The following WDFY4 variants were observed in gnomAD, a reference collection of about 807,000 sequenced individuals.
The protein encoded by WDFY4 is WD repeat- and FYVE domain-containing protein 4.
Under a neutral mutation model 351.9 loss-of-function variants are expected in WDFY4, and 169 were observed. That is an observed-to-expected ratio of 0.48 (90% confidence interval 0.42 to 0.55). The LOEUF (loss-of-function observed/expected upper bound fraction) is 0.55, where lower values mean the gene tolerates loss of function less well. WDFY4 is among the 20% of genes least tolerant of loss of function. The pLI is 0.00. For synonymous variants in WDFY4, 1,622 were observed against 1,574.6 expected, an observed-to-expected ratio of 1.03 and a Z score of -0.71; for missense variants, 3,803 against 3,935.6, an observed-to-expected ratio of 0.97 and a Z score of 0.90.
chr10:48,734,508 T>C (rs1414993333), intron 10 of WDFY4, among the ~76,000 whole-genome samples: 1 of 136,396 alleles, frequency 7.3e-6, no homozygotes, highest in Non-Finnish European at 1.5e-5. Flanking sequence ...TTCTGGGTTT[T>C]AAAAATAATA....
At chr10:48,921,938 T>C (rs530656123) in intron 47 of WDFY4, among the ~76,000 whole-genome samples, 3 of 152,316 alleles carry the variant, frequency 2.0e-5, no homozygotes, top group Non-Finnish European at 2.9e-5. Context: ...ATATAGTTAT[T>C]ATATCATCTG....
chr10:48,695,605 T>C (rs942517135), intron 1 of WDFY4, among the ~76,000 whole-genome samples: 2 of 152,220 alleles, frequency 1.3e-5, no homozygotes, highest in Non-Finnish European at 2.9e-5. Context: ...TGTTAGTAGA[T>C]GGTCACTTTT....
intron 24 of WDFY4, 59 bp downstream of exon 24, chr10:48,796,509 G>A: frequency 6.6e-7 from 1 of 1,516,280 alleles, no homozygotes; most frequent in Non-Finnish European, 8.8e-7. Context: ...AATATGCTAA[G>A]TCTGGGCTTT....
intron 47 of WDFY4, among the ~76,000 whole-genome samples, chr10:48,930,736 T>G (rs1162552734): frequency 6.6e-6 from 1 of 152,062 alleles, no homozygotes; most frequent in Non-Finnish European, 1.5e-5. Flanking sequence ...GATGAGTGAT[T>G]AAATAATTAA....
At chr10:48,974,357 C>T (rs964283755) in intron 57 of WDFY4, among the ~76,000 whole-genome samples, 2 of 151,628 alleles carry the variant, frequency 1.3e-5, no homozygotes, top group African/African-American at 2.4e-5. Flanking sequence ...AAAAAACATT[C>T]GCCAGGCATG....
chr10:48,856,495 C>T (rs2069138698), intron 39 of WDFY4, among the ~76,000 whole-genome samples: 1 of 152,060 alleles, frequency 6.6e-6, no homozygotes, highest in African/African-American at 2.4e-5. Context: ...TTTAATTATA[C>T]TTTAAGTTCT....
chr10:48,745,947 G>T, intron 12 of WDFY4: 1 of 205,318 alleles, frequency 4.9e-6, no homozygotes. Context: ...CAGGGTTGGT[G>T]CTCATCCGCC....
intron 11 of WDFY4, among the ~76,000 whole-genome samples, chr10:48,742,315 T>C (rs1447242994): frequency 6.6e-6 from 1 of 152,076 alleles, no homozygotes; most frequent in Non-Finnish European, 1.5e-5. Flanking sequence ...GTTTCTCTTC[T>C]CTTTCTGACA....
intron 1 of WDFY4, among the ~76,000 whole-genome samples, chr10:48,701,183 C>T (rs966591702): frequency 3.3e-5 from 5 of 152,204 alleles, no homozygotes; most frequent in Non-Finnish European, 2.9e-5. Flanking sequence ...ACACAGCATT[C>T]GTCCTTTTGT....
chr10:48,856,817 C>T (rs896324776), intron 39 of WDFY4, among the ~76,000 whole-genome samples: 1 of 152,176 alleles, frequency 6.6e-6, no homozygotes, highest in Non-Finnish European at 1.5e-5. Flanking sequence ...ATTGTTGACA[C>T]ATTTTATTAT....
chr10:48,799,955 G>A (rs2067007215), intron 24 of WDFY4, among the ~76,000 whole-genome samples: 1 of 151,948 alleles, frequency 6.6e-6, no homozygotes. Flanking sequence ...GCACAATCTC[G>A]GCTCACAGCA....
At position 48,787,906 on chromosome 10, in the gene WDFY4, CTTCTTCTTCTTCTT is replaced by C. The variant is rs2066506505; in HGVS notation, c.3809-623_3809-610del. On this transcript the variant is annotated intron_variant, in intron 20 of 61. Coordinates refer to ENST00000325239, the MANE Select transcript of WDFY4 (RefSeq NM_001394531.1). Reference sequence around the variant, plus strand: ...TCTTCTTCTTCTCCTTCTTCTTCTTCTTCTTCTTCTTCTTCTTCTTCTTCTTCTTCTTCTTCTTC... The same window carrying C: ...TCTTCTTCTTCTCCTTCTTCTTCTTCCTTCTTCTTCTTCTTCTTCTTCTTC... Among the ~76,000 whole-genome samples the C allele has an allele frequency of 7.7e-4, 25 of 32,324 alleles. 2 individuals are homozygous for C. Among genetic ancestry groups the C allele is most frequent in the African/African-American group, 2.8e-3 (17 of 6,012 alleles). 21.2% of individuals were successfully genotyped at this position (32,324 alleles called of 152,430 possible).
At position 48,796,289 on chromosome 10, in the gene WDFY4, C is replaced by G; in HGVS notation, c.4258-9C>G. On this transcript the variant is annotated splice_polypyrimidine_tract_variant and intron_variant, in intron 23 of 61. Coordinates refer to ENST00000325239, the MANE Select transcript of WDFY4 (RefSeq NM_001394531.1). ...TCATGAGGAAACTGCTTTGTGTTAA[C>G]CTTTTCAGATAATGGCGTTTCTCCT... The G allele has an allele frequency of 6.4e-7, 1 of 1,550,934 alleles. No homozygotes were observed.
rs183745733 is a variant in WDFY4, at chr10:48,727,308, T to C, written c.782-162T>C. ...GTGCAGCTGTCAGGATGGCACTTTCTCTGGGGTGGTCTTCCTGATCCAAGA... is the reference window on the plus strand; with the variant it reads ...GTGCAGCTGTCAGGATGGCACTTTCCCTGGGGTGGTCTTCCTGATCCAAGA... On this transcript the variant is annotated intron_variant, in intron 6 of 61. Coordinates refer to ENST00000325239, the MANE Select transcript of WDFY4 (RefSeq NM_001394531.1). Among the ~76,000 whole-genome samples the C allele has an allele frequency of 1.2e-3, 176 of 152,300 alleles. 2 individuals carry two copies. The highest frequency in any genetic ancestry group is 2.4e-3 in the Non-Finnish European group (163 of 68,010).
intron 53 of WDFY4, among the ~76,000 whole-genome samples, chr10:48,961,746 G>A (rs371296674): frequency 6.6e-6 from 1 of 152,202 alleles, no homozygotes; most frequent in South Asian, 2.1e-4. Flanking sequence ...GAGGAGAACA[G>A]AGAGAAGTTG....
intron 60 of WDFY4, among the ~76,000 whole-genome samples, chr10:48,980,994 C>T (rs1219473819): frequency 6.6e-6 from 1 of 152,156 alleles, no homozygotes; most frequent in Non-Finnish European, 1.5e-5. Context: ...TAGGCAATTA[C>T]TGGCTGCATT....
At chr10:48,891,521 G>T (rs2663039) in intron 44 of WDFY4, among the ~76,000 whole-genome samples, 150,467 of 152,372 alleles carry the variant, frequency 0.99, 74,319 homozygotes, top group Middle Eastern at 1. Context: ...TGGATGAAGA[G>T]TTCTTCGTGC....
intron 57 of WDFY4, among the ~76,000 whole-genome samples, chr10:48,972,362 C>T (rs1298408443): frequency 1.3e-5 from 2 of 152,172 alleles, no homozygotes; most frequent in Admixed American, 1.3e-4. Flanking sequence ...AATTCTCTAC[C>T]ATCCCTATAA....
At chr10:48,897,960 G>T (rs1174180686) in intron 45 of WDFY4, among the ~76,000 whole-genome samples, 1 of 152,158 alleles carries the variant, frequency 6.6e-6, no homozygotes, top group African/African-American at 2.4e-5. Flanking sequence ...GCCCTGTCCT[G>T]CCCACAGGGG....
Sources: allele counts gnomAD v4.1 joint callset (sites outside exome capture counted in the v4.1 genomes callset), GRCh38; gene constraint gnomAD v4.1.1; transcripts MANE v1.5; gene names NCBI Gene and HGNC (gene_info 2026-07-23, HGNC 2026-07-21).